Variants in LRP2BP observed in about 807,000 individuals in gnomAD.
LRP2BP encodes the protein LRP2-binding protein.
In LRP2BP, 38 loss-of-function variants were observed where a neutral mutation model predicts 45.2. That is an observed-to-expected ratio of 0.84 (90% CI 0.65 to 1.10). The LOEUF is 1.10. Among genes scored for constraint, LRP2BP ranks in the 50% least tolerant of loss-of-function variants. LRP2BP has a pLI of 0.00. For missense variants in LRP2BP, 385 were observed against 418.9 expected (o/e 0.92, Z 0.71); for synonymous variants, 153 against 153.9 (o/e 0.99, Z 0.04).
intron 7 of LRP2BP, among the ~76,000 whole-genome samples, chr4:185,371,692 C>T (rs1251903486): frequency 1.3e-5 from 2 of 152,064 alleles, no homozygotes; most frequent in South Asian, 2.1e-4. Flanking sequence ...TAAGGGAAAG[C>T]GCCGAAGATT....
chr4:185,370,974 T>C, intron 7 of LRP2BP, 160 bp from the exon 8 acceptor site: 2 of 644,774 alleles, frequency 3.1e-6, no homozygotes, highest in East Asian at 2.8e-5. Context: ...TGTAGGCACC[T>C]CATACCAGGA....
chr4:185,396,418 C>G (rs1405823586), upstream of LRP2BP: 1 of 153,526 alleles, frequency 6.5e-6, no homozygotes, highest in Non-Finnish European at 1.5e-5. Flanking sequence ...GAAACTCCCG[C>G]TTCTCCGTAA....
upstream of LRP2BP, chr4:185,396,757 C>T: frequency 4.2e-6 from 3 of 711,248 alleles, no homozygotes; most frequent in Non-Finnish European, 7.4e-6. Flanking sequence ...GCTGCTCGGG[C>T]GTAACCGGAG....
At chr4:185,371,189 G>A (rs908083913) in intron 7 of LRP2BP, 10 of 167,804 alleles carry the variant, frequency 6.0e-5, no homozygotes, top group Non-Finnish European at 9.1e-5. Context: ...TCAACCTTCA[G>A]TTTGGACGTT....
intron 1 of LRP2BP, 64 bp downstream of exon 1, chr4:185,394,703 CCCTTCCTGGACT>C (rs965987808): frequency 9.5e-6 from 9 of 944,744 alleles, no homozygotes; most frequent in African/African-American, 3.5e-5. Context: ...AAATACTCTT[CCCTTCCTGGACT>C]CCTTAGCAAA....
Position 185,395,096 on chromosome 4 carries a change from T to C in LRP2BP, c.-339A>G, listed in dbSNP as rs2095498339. ...ATATCCAGCTGAGATACAACTTTTT[T>C]TTCTGAAAACAATGTGAGCAATGGA... is the stretch of plus-strand genomic sequence containing the variant. On this transcript the variant is annotated 5_prime_UTR_variant, in exon 1 of 9. Coordinates refer to ENST00000505916, the MANE Select transcript of LRP2BP (RefSeq NM_001377440.1). The C allele has an allele frequency of 1.0e-6, 1 of 985,028 alleles. No homozygotes were observed. Among genetic ancestry groups the C allele is most frequent in the Non-Finnish European group, 1.2e-6 (1 of 829,836 alleles). 61.0% of individuals were successfully genotyped at this position (985,028 alleles called of 1,614,324 possible).
At chr4:185,392,880 A>G (rs1344422066) in intron 1 of LRP2BP, among the ~76,000 whole-genome samples, 1 of 152,242 alleles carries the variant, frequency 6.6e-6, no homozygotes, top group Non-Finnish European at 1.5e-5. Context: ...GCGTTATGAT[A>G]TTCTCAAGGG....
intron 4 of LRP2BP, 74 bp from the exon 5 acceptor site, chr4:185,374,535 G>A (rs546574670): frequency 4.0e-6 from 6 of 1,504,600 alleles, no homozygotes; most frequent in East Asian, 2.3e-5. Context: ...TCCCAATAAG[G>A]CTGTGAAGTG....
chr4:185,391,351 C>T (rs1157712841), intron 1 of LRP2BP, among the ~76,000 whole-genome samples: 3 of 152,196 alleles, frequency 2.0e-5, no homozygotes, highest in Admixed American at 6.5e-5. Flanking sequence ...TTCGTTTTCC[C>T]CTTCCCATAC....
rs1224117562 is a variant in LRP2BP, at chr4:185,394,825, G to C, written c.-68C>G. ...AACACTCGCTGTAAATGGCATCCTC[G>C]TTCTGGAAACGCATCTACCAGCAAT... On this transcript the variant is annotated 5_prime_UTR_variant, in exon 1 of 9. Transcript: ENST00000505916. The C allele has an allele frequency of 1.0e-6, 1 of 985,104 alleles. No individual in the cohort carries two copies. Among genetic ancestry groups the C allele is most frequent in the African/African-American group, 1.8e-5 (1 of 57,122 alleles). 61.0% of individuals were successfully genotyped at this position (985,104 alleles called of 1,614,324 possible). A position where few individuals can be genotyped will look rare whatever the true frequency, so the allele number is the denominator to read the frequency against.
chr4:185,391,383 A>G (rs2095487968), intron 1 of LRP2BP, among the ~76,000 whole-genome samples: 1 of 152,218 alleles, frequency 6.6e-6, no homozygotes. Flanking sequence ...GAAGCAAGTC[A>G]TTATGTGTAG....
At chr4:185,396,852 C>G, upstream of LRP2BP, 1 of 1,523,170 alleles carries the variant, frequency 6.6e-7, no homozygotes, top group Non-Finnish European at 9.1e-7. Context: ...CGCATTCTTA[C>G]CTGTCGGGGT....
rs1455537600 is a variant in LRP2BP at position 185,374,418 on chromosome 4, C to A, written c.374G>T (p.Cys125Phe). 1 of 1,614,064 alleles carries A rather than the reference C, an allele frequency of 6.2e-7. No homozygotes were observed. The highest frequency in any genetic ancestry group is 1.7e-5 in the Admixed American group (1 of 60,016). ...DYMKKILDSP[C>F]PKARHLKFAA... ...AAATTTTAAGTGTCTTGCTTTGGGA[C>A]ATGGAGAATCAAGAATTTTCTTCAT... Residue 125 changes from cysteine to phenylalanine, a missense_variant, in exon 5 of 9, where the codon TGT (cysteine) becomes TTT (phenylalanine). Transcript: ENST00000505916.
chr4:185,394,863 A>AATT lies in LRP2BP; in HGVS notation c.-109_-107dup, dbSNP rs1401758005. The AATT allele has an allele frequency of 1.0e-6, 1 of 985,444 alleles. No homozygotes were observed. Among genetic ancestry groups the AATT allele is most frequent in the East Asian group, 1.1e-4 (1 of 8,814 alleles). The allele number at this position is 985,444 out of a possible 1,614,324, so 61.0% of individuals were successfully genotyped here. ...ATCTACCAGCAATTAAAACATGTAG[A>AATT]ATTAGCACTGCTTAGGAGAACGCCT... is the stretch of plus-strand genomic sequence containing the variant. On this transcript the variant is annotated 5_prime_UTR_variant, in exon 1 of 9. Coordinates refer to ENST00000505916, the MANE Select transcript of LRP2BP (RefSeq NM_001377440.1).
chr4:185,387,057 C>T (rs916604951), intron 1 of LRP2BP, among the ~76,000 whole-genome samples: 1 of 152,114 alleles, frequency 6.6e-6, no homozygotes, highest in Non-Finnish European at 1.5e-5. Flanking sequence ...ACCAGCCTGG[C>T]CAACATGGTG....
Position 185,378,760 on chromosome 4 carries a change from T to G in LRP2BP, c.-21-553A>C, listed in dbSNP as rs546653123. 112 of 985,602 alleles carry G rather than the reference T, an allele frequency of 1.1e-4. No homozygotes were observed. The South Asian group carries it at 4.7e-3, about 41-fold the overall frequency. The allele number at this position is 985,602 out of a possible 1,614,324, so 61.1% of individuals were successfully genotyped here. ...TAAATCAGTGTCTTCATATAAAATG[T>G]AGCGGTCACCTCATTTGGGGTGAAG... On this transcript the variant is annotated intron_variant, in intron 1 of 8. Transcript: ENST00000505916.
At chr4:185,379,050 C>T (rs2095447492) in intron 1 of LRP2BP, 1 of 843,652 alleles carries the variant, frequency 1.2e-6, no homozygotes, top group Non-Finnish European at 1.4e-6. Context: ...AAAAAAGGAA[C>T]ATTTAGTAGG....
At chr4:185,385,428 G>A (rs910551838) in intron 1 of LRP2BP, among the ~76,000 whole-genome samples, 9 of 152,048 alleles carry the variant, frequency 5.9e-5, no homozygotes, top group African/African-American at 1.9e-4. Flanking sequence ...AATCAGGGTC[G>A]CAAAGAGAAT....
intron 1 of LRP2BP, among the ~76,000 whole-genome samples, chr4:185,392,653 CCTT>C (rs2095491221): frequency 6.6e-6 from 1 of 151,496 alleles, no homozygotes; most frequent in East Asian, 1.9e-4. Context: ...CTGGTTATAA[CCTT>C]CTGTCTTTGA....
Sources: gnomAD v4.1 joint callset for allele counts (sites outside exome capture counted in the v4.1 genomes callset) on GRCh38, gnomAD v4.1.1 for gene constraint, MANE v1.5 for transcripts, NCBI Gene and HGNC (gene_info 2026-07-23, HGNC 2026-07-21) for gene names.